Variants in RAB3GAP1 observed in about 807,000 individuals in gnomAD.
RAB3GAP1 encodes rab3 GTPase-activating protein catalytic subunit.
Under a neutral mutation model 130.7 loss-of-function variants are expected in RAB3GAP1, and 86 were observed. The observed-to-expected ratio is 0.66, with a 90% CI of 0.55 to 0.79. The LOEUF (loss-of-function observed/expected upper bound fraction) is 0.79, where lower values mean the gene tolerates loss of function less well. RAB3GAP1 is among the 30% of genes least tolerant of loss of function. The pLI is 0.00. For missense variants in RAB3GAP1, 1,029 were observed against 1,169.4 expected (o/e 0.88, Z 1.75); for synonymous variants, 367 against 401.7 (o/e 0.91, Z 1.03).
chr2:135,060,989 C>G (rs1689154595), intron 3 of RAB3GAP1, among the ~76,000 whole-genome samples: 2 of 147,868 alleles, frequency 1.4e-5, no homozygotes. Context: ...CAAGTGTGAA[C>G]CACTGGGCCC....
intron 9 of RAB3GAP1, among the ~76,000 whole-genome samples, chr2:135,124,681 A>G (rs908147763): frequency 1.3e-5 from 2 of 152,058 alleles, no homozygotes; most frequent in South Asian, 2.1e-4. Context: ...AGAAAGAAAG[A>G]CCTACACTTG....
At chr2:135,074,499 C>A (rs1366649960) in intron 3 of RAB3GAP1, among the ~76,000 whole-genome samples, 1 of 152,170 alleles carries the variant, frequency 6.6e-6, no homozygotes, top group African/African-American at 2.4e-5. Flanking sequence ...GAACTCTTAC[C>A]CGATTGGGTG....
intron 3 of RAB3GAP1, among the ~76,000 whole-genome samples, chr2:135,076,347 A>G (rs1689635098): frequency 6.6e-6 from 1 of 152,180 alleles, no homozygotes; most frequent in Non-Finnish European, 1.5e-5. Context: ...GAAAGCACCC[A>G]TATCCTCACT....
At chr2:135,075,996 C>A (rs563713053) in intron 3 of RAB3GAP1, among the ~76,000 whole-genome samples, 4 of 149,644 alleles carry the variant, frequency 2.7e-5, no homozygotes, top group Non-Finnish European at 5.9e-5. Context: ...CTGCAGCCTT[C>A]GCCTCCTGCG....
At chr2:135,142,683 T>A (rs923302112) in intron 17 of RAB3GAP1, among the ~76,000 whole-genome samples, 11 of 151,868 alleles carry the variant, frequency 7.2e-5, no homozygotes, top group Non-Finnish European at 2.9e-5. Context: ...TTGCTTAGAG[T>A]TTTGTTTTTT....
At chr2:135,171,917 A>G (rs965490645), downstream of RAB3GAP1, among the ~76,000 whole-genome samples, 1 of 152,178 alleles carries the variant, frequency 6.6e-6, no homozygotes, top group Admixed American at 6.5e-5. Flanking sequence ...GGGATTGGCC[A>G]ATGAAAAGCC....
At chr2:135,173,082 A>T (rs1692901846), downstream of RAB3GAP1, among the ~76,000 whole-genome samples, 1 of 152,166 alleles carries the variant, frequency 6.6e-6, no homozygotes, top group Non-Finnish European at 1.5e-5. Context: ...CTGGACCACC[A>T]GCTAAGCCAC....
At position 135,059,425 on chromosome 2, in the gene RAB3GAP1, A is replaced by G. The variant is rs527975616; in HGVS notation, c.150+1339A>G. 3.3e-5 allele frequency among the ~76,000 whole-genome samples: 5 copies of G among 152,296 alleles called. No individual in the cohort carries two copies. The South Asian group carries it at 8.3e-4, about 25-fold the overall frequency. ...TGCCTGATGTGAAGAAATTGTGAAC[A>G]AGATAAGATCAGTGTTGCCATTGAA... On this transcript the variant is annotated intron_variant, in intron 3 of 23. Transcript: ENST00000264158.
rs894235653 is a variant in RAB3GAP1, at chr2:135,169,961, C to G, written c.*1180C>G. 1.9e-5 allele frequency: 5 copies of G among 265,318 alleles called. No homozygotes were observed. The highest frequency in any genetic ancestry group is 1.2e-4 in the African/African-American group (5 of 40,072). The allele number at this position is 265,318 out of a possible 1,614,324, so 16.4% of individuals were successfully genotyped here. Reference sequence around the variant, plus strand: ...AAAAAATTAATAGAGCTGTGCAAACCCTGTTATTTTTGTAAAAAAAAAAAA... The same window carrying G: ...AAAAAATTAATAGAGCTGTGCAAACGCTGTTATTTTTGTAAAAAAAAAAAA... On this transcript the variant is annotated 3_prime_UTR_variant, in exon 24 of 24. Transcript: ENST00000264158.
chr2:135,164,020 T>G (rs990854635), intron 22 of RAB3GAP1, among the ~76,000 whole-genome samples: 2 of 152,230 alleles, frequency 1.3e-5, no homozygotes, highest in African/African-American at 4.8e-5. Flanking sequence ...GAGCAGGTGG[T>G]GCAGGTTTGG....
intron 5 of RAB3GAP1, among the ~76,000 whole-genome samples, chr2:135,108,424 C>T (rs992449347): frequency 1.3e-5 from 2 of 151,952 alleles, no homozygotes; most frequent in African/African-American, 4.8e-5. Context: ...TTTCACTTCC[C>T]TGATTACATG....
At chr2:135,174,144 A>G (rs915976006), downstream of RAB3GAP1, among the ~76,000 whole-genome samples, 1 of 152,226 alleles carries the variant, frequency 6.6e-6, no homozygotes, top group African/African-American at 2.4e-5. Flanking sequence ...GGTCATGGAT[A>G]GATCCCTCCA....
chr2:135,113,568 C>T lies in RAB3GAP1; in HGVS notation c.482+298C>T, dbSNP rs538449461. ...TTCAGTCAATCACAGGGCAACTGATCAGAGCATGCACAAATGAAGCAAACT... is the reference window on the plus strand; with the variant it reads ...TTCAGTCAATCACAGGGCAACTGATTAGAGCATGCACAAATGAAGCAAACT... On this transcript the variant is annotated intron_variant, in intron 6 of 23. Transcript: ENST00000264158. Among the ~76,000 whole-genome samples the T allele has an allele frequency of 1.8e-3, 276 of 152,264 alleles. 3 individuals carry two copies. The highest frequency in any genetic ancestry group is 0.014 in the Middle Eastern group (4 of 294).
chr2:135,163,878 T>C (rs1007439254), intron 22 of RAB3GAP1, among the ~76,000 whole-genome samples: 7 of 152,244 alleles, frequency 4.6e-5, no homozygotes, highest in Non-Finnish European at 8.8e-5. Flanking sequence ...AGTTTGTGTT[T>C]GAATTTTATG....
intron 3 of RAB3GAP1, among the ~76,000 whole-genome samples, chr2:135,090,150 T>A (rs1472333446): frequency 6.6e-6 from 1 of 152,196 alleles, no homozygotes; most frequent in African/African-American, 2.4e-5. Flanking sequence ...AAAAGATTGA[T>A]ATTTGATGTA....
intron 5 of RAB3GAP1, among the ~76,000 whole-genome samples, chr2:135,109,739 G>A (rs1246754959): frequency 3.3e-5 from 5 of 151,718 alleles, no homozygotes; most frequent in Admixed American, 6.6e-5. Context: ...CCACCACCAC[G>A]CCCAGCTAAT....
At chr2:135,157,258 A>G (rs952389665) in intron 19 of RAB3GAP1, among the ~76,000 whole-genome samples, 17 of 152,162 alleles carry the variant, frequency 1.1e-4, no homozygotes, top group Non-Finnish European at 8.8e-5. Context: ...GCCTGAAGCA[A>G]TTCTCCTGCC....
At position 135,052,293 on chromosome 2, in the gene RAB3GAP1, C is replaced by T. The variant is rs1688901060; in HGVS notation, c.-15C>T. 1.9e-6 allele frequency: 3 copies of T among 1,613,290 alleles called. No homozygotes were observed. The highest frequency in any genetic ancestry group is 1.3e-5 in the African/African-American group (1 of 75,032). On this transcript the variant is annotated 5_prime_UTR_variant, in exon 1 of 24. Coordinates refer to ENST00000264158, the MANE Select transcript of RAB3GAP1 (RefSeq NM_012233.3). ...CTTCCCGGCAGCCTTAGCGCCAGGC[C>T]CGGCGCTCCTCAAGATGGCTGCCGA...
At chr2:135,081,545 GT>G (rs1407096980) in intron 3 of RAB3GAP1, among the ~76,000 whole-genome samples, 2 of 150,934 alleles carry the variant, frequency 1.3e-5, no homozygotes, top group Non-Finnish European at 2.9e-5. Context: ...ATTGTTTGTG[GT>G]CACCAGCAGA....
Sources: gnomAD v4.1 joint callset for allele counts (sites outside exome capture counted in the v4.1 genomes callset) on GRCh38, gnomAD v4.1.1 for gene constraint, MANE v1.5 for transcripts, NCBI Gene and HGNC (gene_info 2026-07-23, HGNC 2026-07-21) for gene names.